Variants in ZNF35 observed in about 807,000 individuals in gnomAD.
ZNF35 encodes zinc finger protein 35 (clone HF.10).
A neutral mutation model predicts 45.9 loss-of-function variants in ZNF35; 31 were observed. That is an observed-to-expected ratio of 0.68 (90% CI 0.51 to 0.91). ZNF35 has a LOEUF of 0.91. ZNF35 is among the 40% of genes least tolerant of loss of function. The probability of loss-of-function intolerance (pLI) is 0.00; values close to 1 mark genes in which losing one functional copy is unlikely to be tolerated. For missense variants in ZNF35, 515 were observed against 625.4 expected (o/e 0.82, Z 1.88); for synonymous variants, 205 against 220.2 (o/e 0.93, Z 0.61).
chr3:44,648,209 G>T (rs191567046), upstream of ZNF35: 4 of 152,248 alleles, frequency 2.6e-5, no homozygotes, highest in East Asian at 7.7e-4. Context: ...GGGAATTTTT[G>T]TTGATTTTCT....
intron 3 of ZNF35, among the ~76,000 whole-genome samples, chr3:44,654,766 T>C (rs1333001929): frequency 6.6e-6 from 1 of 152,234 alleles, no homozygotes; most frequent in African/African-American, 2.4e-5. Context: ...GAAATATTTG[T>C]ATAAAAGTGA....
Position 44,654,321 on chromosome 3 carries a change from C to G in ZNF35, c.337+1620C>G, listed in dbSNP as rs1559483976. On this transcript the variant is annotated intron_variant, in intron 3 of 3. Coordinates refer to ENST00000396056, the MANE Select transcript of ZNF35 (RefSeq NM_003420.4). ...CAGGCGATGGTGGGAACACTGAGCT[C>G]TATGTGTGAGAGATATCTGAGTGGG... Among the ~76,000 whole-genome samples, 15 of 152,288 alleles carry G rather than the reference C, an allele frequency of 9.8e-5. No homozygotes were observed. In the South Asian group the frequency reaches 2.9e-3, roughly 29 times the overall value.
intron 3 of ZNF35, among the ~76,000 whole-genome samples, chr3:44,657,185 C>A (rs981956956): frequency 2.0e-5 from 3 of 152,186 alleles, no homozygotes; most frequent in African/African-American, 7.2e-5. Flanking sequence ...ACCACCCCAA[C>A]ATCCTTGTCC....
upstream of ZNF35, chr3:44,647,044 T>C (rs1159923579): frequency 6.6e-6 from 1 of 152,228 alleles, no homozygotes; most frequent in Admixed American, 6.5e-5. Flanking sequence ...TTTACAAAGA[T>C]GATATTACAG....
intron 3 of ZNF35, among the ~76,000 whole-genome samples, chr3:44,653,139 A>G (rs1703235012): frequency 6.6e-6 from 1 of 152,118 alleles, no homozygotes; most frequent in South Asian, 2.1e-4. Flanking sequence ...TTTATGTCGC[A>G]TTTTCACTTA....
At chr3:44,649,202 T>A (rs976418820) in intron 1 of ZNF35, among the ~76,000 whole-genome samples, 21 of 152,156 alleles carry the variant, frequency 1.4e-4, no homozygotes, top group Non-Finnish European at 1.6e-4. Context: ...CAGAATCTGA[T>A]CAGAAGTCTG....
chr3:44,649,297 A>G (rs538342409), intron 1 of ZNF35, among the ~76,000 whole-genome samples: 1 of 152,210 alleles, frequency 6.6e-6, no homozygotes, highest in East Asian at 1.9e-4. Context: ...TCGGATAGTG[A>G]TGGAAAGAAT....
At chr3:44,655,106 CCT>C (rs1418021739) in intron 3 of ZNF35, among the ~76,000 whole-genome samples, 1 of 152,040 alleles carries the variant, frequency 6.6e-6, no homozygotes, top group Admixed American at 6.5e-5. Context: ...TGCACTCCAG[CCT>C]GGGCAATAGA....
In ZNF35 at chr3:44,659,593, A is replaced by G; in HGVS notation, c.1230A>G (p.Arg410=). Residue 410 remains arginine (R), a synonymous_variant, in exon 4 of 4, where the codon AGA becomes AGG. Coordinates refer to ENST00000396056, the MANE Select transcript of ZNF35 (RefSeq NM_003420.4). This position sits in a 1 kb window ranked among gnomAD's most constrained non-coding sequence, Gnocchi z 4.3. ...TTTCACACCTTATTGTGCACCAGAG[A>G]ATTCACACTGCAGAGAAACCTTACG... ...SCFSHLIVHQ[R]IHTAEKPYDC... is the part of the protein sequence containing the mutation. 1 of 1,614,080 alleles carries G rather than the reference A, an allele frequency of 6.2e-7. No individual in the cohort carries two copies. Among genetic ancestry groups the G allele is most frequent in the South Asian group, 1.1e-5 (1 of 91,064 alleles).
At chr3:44,657,066 C>T (rs1259058308) in intron 3 of ZNF35, among the ~76,000 whole-genome samples, 1 of 152,146 alleles carries the variant, frequency 6.6e-6, no homozygotes, top group Admixed American at 6.5e-5. Context: ...CATTTCTTTC[C>T]TCTGACACTG....
chr3:44,646,642 C>T (rs761391499), upstream of ZNF35: 2 of 703,596 alleles, frequency 2.8e-6, 1 homozygote, highest in South Asian at 3.3e-5. Context: ...ATTGTTCAAG[C>T]TGTCTTGAGT....
At position 44,652,618 on chromosome 3, in the gene ZNF35, C is replaced by A. The variant is rs765768148; in HGVS notation, c.254C>A (p.Ala85Asp). 6 of 1,610,912 alleles carry A rather than the reference C, an allele frequency of 3.7e-6. No individual in the cohort carries two copies. The South Asian group carries it at 6.7e-5, about 18-fold the overall frequency. Residue 85 changes from alanine (A) to aspartate (D), a missense_variant, in exon 3 of 4, where the codon GCT (alanine) becomes GAT (aspartate). Around this residue, in one of 3 missense-constraint regions of ZNF35, gnomAD observed 275 missense variants for 295.7 expected, o/e 0.93. Coordinates refer to ENST00000396056, the MANE Select transcript of ZNF35 (RefSeq NM_003420.4). ...VLKATQEAPA[A>D]STLGSYSLPG... ...AAAGCAACTCAGGAGGCACCTGCTG[C>A]TTCAACCCTTGGCAGCTACTCATTA...
Position 44,660,355 on chromosome 3 carries a change from T to C in ZNF35, c.*408T>C, listed in dbSNP as rs1041962717. 1 of 157,308 alleles carries C rather than the reference T, an allele frequency of 6.4e-6. No individual in the cohort carries two copies. The highest frequency in any genetic ancestry group is 1.4e-5 in the Non-Finnish European group (1 of 71,462). 9.7% of individuals were successfully genotyped at this position (157,308 alleles called of 1,614,324 possible). A position where few individuals can be genotyped will look rare whatever the true frequency, so the allele number is the denominator to read the frequency against. ...TGAATTCTGGTTGAACCGTGTATTC[T>C]AATATTTCTGGTTAAGTGGTGACTG... On this transcript the variant is annotated 3_prime_UTR_variant, in exon 4 of 4. Transcript: ENST00000396056.
Position 44,651,098 on chromosome 3 carries a change from C to G in ZNF35, c.31C>G (p.Leu11Val), listed in dbSNP as rs755025030. The G allele has an allele frequency of 2.5e-6, 4 of 1,614,096 alleles. No homozygotes were observed. The highest frequency in any genetic ancestry group is 3.4e-6 in the Non-Finnish European group (4 of 1,180,030). The change falls in exon 2 of 4, where the codon CTA (leucine) becomes GTA (valine). Residue 11 changes from leucine to valine, a missense_variant. By Grantham distance (32) the Leu-to-Val change is conservative. Coordinates refer to ENST00000396056, the MANE Select transcript of ZNF35 (RefSeq NM_003420.4). Reference sequence around the variant, plus strand: ...TGCAGAATTGAGAGAAGCCATGGCCCTAGCCCCATGGGGCCCAGTGAAGGT... The same window carrying G: ...TGCAGAATTGAGAGAAGCCATGGCCGTAGCCCCATGGGGCCCAGTGAAGGT... MTAELREAMALAPWGPVKVKK... is the reference protein window; with the variant it reads MTAELREAMAVAPWGPVKVKK...
At chr3:44,656,422 G>T in intron 3 of ZNF35, among the ~76,000 whole-genome samples, 1 of 148,550 alleles carries the variant, frequency 6.7e-6, no homozygotes. Context: ...GATGAGTTTC[G>T]CTCTGCTGCC....
intron 3 of ZNF35, among the ~76,000 whole-genome samples, chr3:44,655,458 T>G (rs1703283498): frequency 6.6e-6 from 1 of 152,078 alleles, no homozygotes; most frequent in African/African-American, 2.4e-5. Context: ...ATTTAAAAAC[T>G]ATGGCTATGC....
At chr3:44,649,307 T>C (rs556425691) in intron 1 of ZNF35, among the ~76,000 whole-genome samples, 56 of 152,290 alleles carry the variant, frequency 3.7e-4, no homozygotes, top group Admixed American at 9.8e-4. Context: ...ATGGAAAGAA[T>C]AGTCCTCCAG....
upstream of ZNF35, chr3:44,646,704 T>G: frequency 1.8e-6 from 1 of 558,408 alleles, no homozygotes; most frequent in South Asian, 2.5e-5. Context: ...TATGAAAATT[T>G]CGATATGAAA....
chr3:44,648,610 C>T (rs1703096417), upstream of ZNF35: 1 of 152,302 alleles, frequency 6.6e-6, no homozygotes, highest in Non-Finnish European at 1.5e-5. Context: ...CTCCTAAGCG[C>T]TTCTGCCCCA....
Sources: allele counts gnomAD v4.1 joint callset (sites outside exome capture counted in the v4.1 genomes callset), GRCh38; gene constraint gnomAD v4.1.1; regional missense constraint gnomAD v4.1.1; non-coding constraint Gnocchi (gnomAD v3.1); transcripts MANE v1.5; gene names NCBI Gene and HGNC (gene_info 2026-07-23, HGNC 2026-07-21).